Variants in MED12L observed in about 807,000 individuals in gnomAD.
MED12L encodes the protein mediator complex subunit 12L.
A neutral mutation model predicts 281.3 loss-of-function variants in MED12L; 60 were observed. That is an observed-to-expected ratio of 0.21 (90% confidence interval 0.17 to 0.26). The LOEUF (loss-of-function observed/expected upper bound fraction) is 0.26. Among genes scored for constraint, MED12L ranks in the 10% least tolerant of loss-of-function variants. The pLI is 1.00. For missense variants in MED12L, 2,146 were observed against 2,680.9 expected, an observed-to-expected ratio of 0.80 and a Z score of 4.41; for synonymous variants, 974 against 987.2, an observed-to-expected ratio of 0.99 and a Z score of 0.25.
intron 37 of MED12L, among the ~76,000 whole-genome samples, chr3:151,389,166 G>C (rs1232113923): frequency 6.6e-6 from 1 of 152,034 alleles, no homozygotes; most frequent in African/African-American, 2.4e-5. Flanking sequence ...GTTTAAAATG[G>C]TCCAGACTGA....
In MED12L at chr3:151,413,194, G is replaced by C; in HGVS notation, c.6196G>C (p.Val2066Leu). The C allele has an allele frequency of 6.2e-7, 1 of 1,614,200 alleles. No individual in the cohort carries two copies. The highest frequency in any genetic ancestry group is 1.1e-5 in the South Asian group (1 of 91,084). ...SPLVGGGIDA[V>L]LTSAHPNLPS... Reference sequence around the variant, plus strand: ...TCTGGTGGGCGGGGGAATTGATGCTGTGCTGACTTCTGCACATCCAAACCT... The same window carrying C: ...TCTGGTGGGCGGGGGAATTGATGCTCTGCTGACTTCTGCACATCCAAACCT... Residue 2066 changes from valine (V) to leucine (L), a missense_variant, in exon 42 of 45, where the codon GTG becomes CTG. Transcript: ENST00000687756.
chr3:151,189,369 T>C lies in MED12L; in HGVS notation c.1753+889T>C, dbSNP rs546115164. Among the ~76,000 whole-genome samples the C allele has an allele frequency of 1.4e-4, 22 of 152,218 alleles. No individual in the cohort carries two copies. The South Asian group carries it at 3.5e-3, about 24-fold the overall frequency. The stretch of plus-strand genomic sequence containing the variant: ...TGGTTGGAACATAGGGAGGAGTAAT[T>C]CATGGAAAAGGAAGCAGAAAAGTGA... On this transcript the variant is annotated intron_variant, in intron 13 of 44. Transcript: ENST00000687756.
chr3:151,368,769 T>C (rs1343369342), intron 25 of MED12L, among the ~76,000 whole-genome samples: 5 of 143,774 alleles, frequency 3.5e-5, no homozygotes, highest in South Asian at 4.4e-4. Flanking sequence ...CATTTTTTTT[T>C]TTTTTTTTCC....
At chr3:151,416,174 G>C in intron 42 of MED12L, 138 bp from the exon 43 acceptor site, 1 of 1,490,922 alleles carries the variant, frequency 6.7e-7, no homozygotes, top group South Asian at 1.3e-5. Flanking sequence ...GGTTCAGCAA[G>C]GTAGAGATGC....
At chr3:151,194,992 G>T (rs568169617) in intron 16 of MED12L, among the ~76,000 whole-genome samples, 48 of 152,176 alleles carry the variant, frequency 3.2e-4, no homozygotes, top group African/African-American at 1.1e-3. Flanking sequence ...GTGAAACCCC[G>T]TATCTACTAA....
intron 16 of MED12L, chr3:151,337,507 ATAT>A (rs1751172236): frequency 7.1e-6 from 2 of 282,818 alleles, no homozygotes; most frequent in East Asian, 8.0e-5. Context: ...ATTACAGTAA[ATAT>A]TATATGATTA....
intron 16 of MED12L, among the ~76,000 whole-genome samples, chr3:151,230,465 T>A (rs1015897136): frequency 2.0e-5 from 3 of 152,190 alleles, no homozygotes; most frequent in African/African-American, 7.2e-5. Context: ...TGTAAAAAAA[T>A]TCTGATAAAC....
At chr3:151,355,832 T>C in intron 18 of MED12L, 64 bp from the exon 19 acceptor site, 1 of 1,419,790 alleles carries the variant, frequency 7.0e-7, no homozygotes, top group Non-Finnish European at 9.5e-7. Flanking sequence ...GTAAAAATGA[T>C]TTATCTTAGT....
intron 16 of MED12L, among the ~76,000 whole-genome samples, chr3:151,344,674 G>A (rs1035862489): frequency 2.6e-5 from 4 of 152,172 alleles, no homozygotes; most frequent in African/African-American, 9.6e-5. Flanking sequence ...AGTATGAAGT[G>A]CCATATTTTG....
chr3:151,262,275 C>CTAG (rs1412489217), intron 16 of MED12L, among the ~76,000 whole-genome samples: 1 of 152,202 alleles, frequency 6.6e-6, no homozygotes, highest in Admixed American at 6.5e-5. Flanking sequence ...TTAAGTCACA[C>CTAG]TAGTGATAGT....
At position 151,106,839 on chromosome 3, in the gene MED12L, T is replaced by C. The variant is rs115259842; in HGVS notation, c.100-9499T>C. On this transcript the variant is annotated intron_variant, in intron 2 of 44. Coordinates refer to ENST00000687756, the MANE Select transcript of MED12L (RefSeq NM_001393769.1). ...GATATTAATACAGCTACTTCAACTC[T>C]TTTATGTTTATTGTTTGCATGGTAT... Among the ~76,000 whole-genome samples, 879 of 152,350 alleles carry C rather than the reference T, an allele frequency of 5.8e-3. 4 individuals are homozygous for C. Among genetic ancestry groups the C allele is most frequent in the African/African-American group, 0.02 (818 of 41,576 alleles).
chr3:151,323,498 C>T (rs1027697033), intron 16 of MED12L, among the ~76,000 whole-genome samples: 3 of 152,310 alleles, frequency 2.0e-5, no homozygotes, highest in Non-Finnish European at 2.9e-5. Flanking sequence ...CCCCTGCAAC[C>T]CTCACGCTCC....
chr3:151,402,786 T>C (rs1269961397), intron 39 of MED12L, among the ~76,000 whole-genome samples: 2 of 152,224 alleles, frequency 1.3e-5, no homozygotes, highest in Non-Finnish European at 2.9e-5. Flanking sequence ...AAAACCCTTA[T>C]AGGGCCTATG....
intron 16 of MED12L, among the ~76,000 whole-genome samples, chr3:151,258,398 C>A (rs1051289202): frequency 1.3e-5 from 2 of 152,102 alleles, no homozygotes; most frequent in African/African-American, 2.4e-5. Flanking sequence ...AGAAAATTTT[C>A]TGTTATTTTC....
In MED12L at chr3:151,419,817, T is replaced by C. The variant is rs189280975; in HGVS notation, c.6408+3395T>C. 7.4e-3 allele frequency among the ~76,000 whole-genome samples: 1,123 copies of C among 152,306 alleles called. 5 individuals are homozygous for C. The highest frequency in any genetic ancestry group is 0.012 in the Non-Finnish European group (840 of 68,026). The stretch of plus-strand genomic sequence containing the variant: ...AGTTAACAATGCTTAAATCCTGATA[T>C]GAAGTCAGTAAATCCTATGTCACAT... On this transcript the variant is annotated intron_variant, in intron 43 of 44. Coordinates refer to ENST00000687756, the MANE Select transcript of MED12L (RefSeq NM_001393769.1).
chr3:151,221,482 C>T (rs890305507), intron 16 of MED12L, among the ~76,000 whole-genome samples: 2 of 152,172 alleles, frequency 1.3e-5, no homozygotes, highest in Admixed American at 6.5e-5. Flanking sequence ...AAAGTGGTTT[C>T]GTGGGCCCAG....
At position 151,383,763 on chromosome 3, in the gene MED12L, G is replaced by A. The variant is rs781148170; in HGVS notation, c.4681-16G>A. 1.0e-5 allele frequency: 16 copies of A among 1,549,312 alleles called. No individual in the cohort carries two copies. Among genetic ancestry groups the A allele is most frequent in the Non-Finnish European group, 1.3e-5 (15 of 1,125,880 alleles). ...TTTTACAGAATGCAAATATCTTACT[G>A]TATTTTGTCTGCTAGGTAGGAGGAA... On this transcript the variant is annotated splice_polypyrimidine_tract_variant and intron_variant, in intron 33 of 44. Coordinates refer to ENST00000687756, the MANE Select transcript of MED12L (RefSeq NM_001393769.1).
At chr3:151,100,548 A>G (rs1355405806) in intron 2 of MED12L, among the ~76,000 whole-genome samples, 1 of 152,238 alleles carries the variant, frequency 6.6e-6, no homozygotes, top group Non-Finnish European at 1.5e-5. Flanking sequence ...GCAGTGCTAA[A>G]TAATTTATCA....
chr3:151,299,988 A>T, intron 16 of MED12L: 1 of 983,868 alleles, frequency 1.0e-6, no homozygotes, highest in Non-Finnish European at 1.7e-6. Flanking sequence ...TGACCATTAA[A>T]CTCCCCAAAT....
Sources: gnomAD v4.1 joint callset for allele counts (sites outside exome capture counted in the v4.1 genomes callset) on GRCh38, gnomAD v4.1.1 for gene constraint, MANE v1.5 for transcripts, NCBI Gene and HGNC (gene_info 2026-07-23, HGNC 2026-07-21) for gene names.